The following MAP1A variants were observed in gnomAD, a reference collection of about 807,000 sequenced individuals.
MAP1A encodes microtubule associated protein 1A, also known as microtubule-associated protein 1A.
A neutral mutation model predicts 185.9 loss-of-function variants in MAP1A; 42 were observed. That is an observed-to-expected ratio of 0.23 (90% CI 0.18 to 0.29). The LOEUF (loss-of-function observed/expected upper bound fraction) is 0.29, where lower values mean the gene tolerates loss of function less well. Among genes scored for constraint, MAP1A ranks in the 10% least tolerant of loss-of-function variants. The pLI is 1.00. For synonymous variants in MAP1A, 1,229 were observed against 1,335.9 expected (o/e 0.92, Z 1.74); for missense variants, 2,995 against 3,450.4 (o/e 0.87, Z 3.31).
Position 43,525,833 on chromosome 15 carries a change from G to C in MAP1A, c.4360G>C (p.Asp1454His). 7 of 1,580,356 alleles carry C rather than the reference G, an allele frequency of 4.4e-6. No individual in the cohort carries two copies. The highest frequency in any genetic ancestry group is 6.0e-6 in the Non-Finnish European group (7 of 1,165,572). Reference protein sequence around the residue: ...EQKDKIPEEKDKALEQKDTAL... With the variant: ...EQKDKIPEEKHKALEQKDTAL... ...GAAGGATAAGATTCCAGAAGAGAAA[G>C]ACAAAGCCTTAGAACAAAAGGATAC... Residue 1454 changes from aspartate to histidine, a missense_variant, in exon 4 of 6, where the codon GAC (aspartate) becomes CAC (histidine). By Grantham distance (81) the Asp-to-His change is moderately conservative. Transcript: ENST00000300231.
In MAP1A at chr15:43,521,276, A is replaced by G. The variant is rs1254193178; in HGVS notation, c.-150-48A>G. ...TAGGGTACTGAATCTAAGTCAGACCAAAACAACTCTAGTGACCTGATCAGG... is the reference window on the plus strand; with the variant it reads ...TAGGGTACTGAATCTAAGTCAGACCGAAACAACTCTAGTGACCTGATCAGG... On this transcript the variant is annotated intron_variant, in intron 3 of 5. Transcript: ENST00000300231. The surrounding 1 kb of genome is among the most constrained non-coding windows in gnomAD (Gnocchi z 4.6). 2.0e-6 allele frequency: 3 copies of G among 1,518,400 alleles called. No individual in the cohort carries two copies. The Admixed American group carries it at 6.5e-5, about 33-fold the overall frequency. The allele number at this position is 1,518,400 out of a possible 1,614,324, so 94.1% of individuals were successfully genotyped here. A position where few individuals can be genotyped will look rare whatever the true frequency, so the allele number is the denominator to read the frequency against.
At position 43,528,041 on chromosome 15, in the gene MAP1A, C is replaced by T. The variant is rs2079353558; in HGVS notation, c.6568C>T (p.Pro2190Ser). The change falls in exon 4 of 6, where the codon CCC becomes TCC. Residue 2190 changes from proline to serine, a missense_variant. Transcript: ENST00000300231. ...CTCTCCAGCTGAACCCCGCTCGGCA[C>T]CCTGTGGCTCCCTTGCCTTCTCTGG... Reference protein sequence around the residue: ...LPSPAEPRSAPCGSLAFSGDR... With the variant: ...LPSPAEPRSASCGSLAFSGDR... 2.5e-6 allele frequency: 4 copies of T among 1,613,898 alleles called. No homozygotes were observed. The African/African-American group carries it at 5.3e-5, about 22-fold the overall frequency.
chr15:43,528,274 G>T lies in MAP1A; in HGVS notation c.6801G>T (p.Val2267=). ...CCTCCTCTGAGGCTACCACGCCTGT[G>T]ATTTCAAGTGTGGCGGAGCGCTTCT... The part of the protein sequence containing the change: ...EGSSSEATTP[V]ISSVAERFSP... The change falls in exon 4 of 6, where the codon GTG becomes GTT. Residue 2267 remains valine, a synonymous_variant. Coordinates refer to ENST00000300231, the MANE Select transcript of MAP1A (RefSeq NM_002373.6). 6.2e-7 allele frequency: 1 copy of T among 1,614,080 alleles called. No individual in the cohort carries two copies. The highest frequency in any genetic ancestry group is 8.5e-7 in the Non-Finnish European group (1 of 1,180,040).
chr15:43,523,272 C>T lies in MAP1A; in HGVS notation c.1799C>T (p.Pro600Leu), dbSNP rs753571213. The T allele has an allele frequency of 6.2e-7, 1 of 1,613,490 alleles. No homozygotes were observed. The highest frequency in any genetic ancestry group is 1.7e-5 in the Admixed American group (1 of 59,862). ...GAGAAAGAGCTTGTCCCAGAGGTCC[C>T]TGAGGAACAAGGCAGCAAGGACAGA... ...MKEKELVPEV[P>L]EEQGSKDRGL... The change falls in exon 4 of 6, where the codon CCT becomes CTT. Residue 600 changes from proline (P) to leucine (L), a missense_variant. Transcript: ENST00000300231.
upstream of MAP1A, among the ~76,000 whole-genome samples, chr15:43,513,232 C>T (rs998417001): frequency 2.0e-5 from 3 of 151,820 alleles, no homozygotes; most frequent in Non-Finnish European, 4.4e-5. Flanking sequence ...GAGGCTGAGG[C>T]AGGAGAATCG....
At position 43,525,160 on chromosome 15, in the gene MAP1A, A is replaced by G; in HGVS notation, c.3687A>G (p.Glu1229=). Residue 1229 remains glutamate (E), a synonymous_variant, in exon 4 of 6, where the codon GAA becomes GAG. Transcript: ENST00000300231. ...PESLGTLQFG[E]LNLGKEEMGH... is the part of the protein sequence containing the mutation. Reference sequence around the variant, plus strand: ...GCCTTGGCACCCTCCAGTTTGGGGAACTAAACCTTGGGAAGGAAGAAATGG... The same window carrying G: ...GCCTTGGCACCCTCCAGTTTGGGGAGCTAAACCTTGGGAAGGAAGAAATGG... 1 of 1,614,212 alleles carries G rather than the reference A, an allele frequency of 6.2e-7. No homozygotes were observed. Among genetic ancestry groups the G allele is most frequent in the South Asian group, 1.1e-5 (1 of 91,090 alleles).
chr15:43,526,972 C>T lies in MAP1A; in HGVS notation c.5499C>T (p.Pro1833=), dbSNP rs767670427. The T allele has an allele frequency of 5.0e-6, 8 of 1,613,538 alleles. No individual in the cohort carries two copies. In the South Asian group the frequency reaches 7.7e-5, roughly 16 times the overall value. The change falls in exon 4 of 6, where the codon CCC becomes CCT. Residue 1833 remains proline, a synonymous_variant. Coordinates refer to ENST00000300231, the MANE Select transcript of MAP1A (RefSeq NM_002373.6). This position sits in a 1 kb window ranked among gnomAD's most constrained non-coding sequence, Gnocchi z 4.7. ...PKLMPHMKNE[P]TTPSWLADIP... ...TCATGCCACACATGAAGAATGAACC[C>T]ACTACTCCCTCATGGCTGGCTGACA...
chr15:43,514,384 G>A (rs922696982), upstream of MAP1A, among the ~76,000 whole-genome samples: 2 of 152,186 alleles, frequency 1.3e-5, no homozygotes, highest in Non-Finnish European at 2.9e-5. Context: ...GCCCAGAGCA[G>A]CTGCAGACAC....
rs369443962 is a variant in MAP1A at position 43,523,494 on chromosome 15, C to T, written c.2021C>T (p.Ala674Val). The change falls in exon 4 of 6, where the codon GCG becomes GTG. Residue 674 changes from alanine (A) to valine (V), a missense_variant. By Grantham distance (64) the Ala-to-Val change is moderately conservative. Coordinates refer to ENST00000300231, the MANE Select transcript of MAP1A (RefSeq NM_002373.6). ...VHPSDEEEED[A>V]TKAEGFYQKH... ...CCTTCAGATGAGGAGGAAGAGGACG[C>T]GACAAAAGCTGAGGGTTTTTACCAA... 3.2e-5 allele frequency: 51 copies of T among 1,613,930 alleles called. No homozygotes were observed. The highest frequency in any genetic ancestry group is 1.5e-4 in the South Asian group (14 of 91,052).
chr15:43,510,997 C>T (rs1676512269), exon 1 of MAP1A: 2 of 1,542,580 alleles, frequency 1.3e-6, no homozygotes, highest in East Asian at 2.4e-5. Flanking sequence ...CCATGGAGAC[C>T]GAGGCCGAGC....
At position 43,523,777 on chromosome 15, in the gene MAP1A, T is replaced by TCCACC; in HGVS notation, c.2305_2306insCACCC (p.His769ProfsTer49). The TCCACC allele has an allele frequency of 1.9e-6, 3 of 1,614,010 alleles. No individual in the cohort carries two copies. Among genetic ancestry groups the TCCACC allele is most frequent in the Non-Finnish European group, 2.5e-6 (3 of 1,180,004 alleles). On this transcript the variant is annotated frameshift_variant, in exon 4 of 6. Coordinates refer to ENST00000300231, the MANE Select transcript of MAP1A (RefSeq NM_002373.6). LOFTEE classifies it high-confidence loss of function. ...AGGAGCGCCCAGCTCCACCCAGATT[T>TCCACC]CATACAAGTACATATGACCTGCCCG...
rs1377733436 is a variant in MAP1A, at chr15:43,529,253, A to G, written c.7780A>G (p.Arg2594Gly). ...GLSSESGRVE[R>G]LREKEKVQGR... ...CAGCTCAGAGTCTGGGAGAGTAGAG[A>G]GGCTACGGGAGAAGGAAAAGGTTCA... is the stretch of plus-strand genomic sequence containing the variant. The change falls in exon 4 of 6, where the codon AGG becomes GGG. Residue 2594 changes from arginine (R) to glycine (G), a missense_variant. Coordinates refer to ENST00000300231, the MANE Select transcript of MAP1A (RefSeq NM_002373.6). This position sits in a 1 kb window ranked among gnomAD's most constrained non-coding sequence, Gnocchi z 4.3. 6.2e-7 allele frequency: 1 copy of G among 1,612,272 alleles called. No individual in the cohort carries two copies.
Position 43,524,733 on chromosome 15 carries a change from C to A in MAP1A, c.3260C>A (p.Thr1087Asn). Residue 1087 changes from threonine to asparagine, a missense_variant, in exon 4 of 6, where the codon ACC (threonine) becomes AAC (asparagine). Physicochemically the swap from Thr to Asn is moderately conservative, Grantham distance 65. Around this residue, in one of 3 missense-constraint regions of MAP1A, gnomAD observed 2,728 missense variants for 2,986.0 expected, o/e 0.91. Coordinates refer to ENST00000300231, the MANE Select transcript of MAP1A (RefSeq NM_002373.6). ...ATTGATGAGGGGCTTACAGGCTGTACCATTCAACTGTTGCCAGCACAGGAT... is the reference window on the plus strand; with the variant it reads ...ATTGATGAGGGGCTTACAGGCTGTAACATTCAACTGTTGCCAGCACAGGAT... ...VNIDEGLTGC[T>N]IQLLPAQDKA... The A allele has an allele frequency of 6.2e-7, 1 of 1,614,088 alleles. No individual in the cohort carries two copies. The highest frequency in any genetic ancestry group is 8.5e-7 in the Non-Finnish European group (1 of 1,180,000).
In MAP1A at chr15:43,523,365, CAG is replaced by C; in HGVS notation, c.1897_1898del (p.Arg633AlafsTer12). ...TGGGAGGAAAAGAAGCAGAGGGAAGCAGAGAGGCTCCCAGACAGAACAGAAGC... is the reference window on the plus strand; with the variant it reads ...TGGGAGGAAAAGAAGCAGAGGGAAGCAGAGGCTCCCAGACAGAACAGAAGC... On this transcript the variant is annotated frameshift_variant, in exon 4 of 6. Coordinates refer to ENST00000300231, the MANE Select transcript of MAP1A (RefSeq NM_002373.6). LOFTEE classifies it high-confidence loss of function. The C allele has an allele frequency of 1.2e-6, 2 of 1,610,816 alleles. No homozygotes were observed. Among genetic ancestry groups the C allele is most frequent in the Non-Finnish European group, 1.7e-6 (2 of 1,178,326 alleles).
At position 43,522,856 on chromosome 15, in the gene MAP1A, G is replaced by C. The variant is rs1566977331; in HGVS notation, c.1383G>C (p.Lys461Asn). The C allele has an allele frequency of 1.2e-6, 2 of 1,605,896 alleles. No homozygotes were observed. The highest frequency in any genetic ancestry group is 1.7e-6 in the Non-Finnish European group (2 of 1,175,640). The change falls in exon 4 of 6, where the codon AAG (lysine) becomes AAC (asparagine). Residue 461 changes from lysine (K) to asparagine (N), a missense_variant. Around this residue, in one of 3 missense-constraint regions of MAP1A, gnomAD observed 2,728 missense variants for 2,986.0 expected, o/e 0.91. Transcript: ENST00000300231. The surrounding 1 kb of genome is among the most constrained non-coding windows in gnomAD (Gnocchi z 5.9). ...AACCTGAGCTCAAGAAGATTTCCAA[G>C]CCAGACCTAAAGCCCTTTACTCCTG... ...DTKPELKKISKPDLKPFTPEV... is the reference protein window; with the variant it reads ...DTKPELKKISNPDLKPFTPEV...
Position 43,528,246 on chromosome 15 carries a change from G to T in MAP1A, c.6773G>T (p.Gly2258Val), listed in dbSNP as rs746178952. Reference protein sequence around the residue: ...PRPASPALSEGSSSEATTPVI... With the variant: ...PRPASPALSEVSSSEATTPVI... ...CCTGCCTCACCAGCCCTGTCTGAGGGCTCCTCCTCTGAGGCTACCACGCCT... is the reference window on the plus strand; with the variant it reads ...CCTGCCTCACCAGCCCTGTCTGAGGTCTCCTCCTCTGAGGCTACCACGCCT... The change falls in exon 4 of 6, where the codon GGC becomes GTC. Residue 2258 changes from glycine (G) to valine (V), a missense_variant. Coordinates refer to ENST00000300231, the MANE Select transcript of MAP1A (RefSeq NM_002373.6). The T allele has an allele frequency of 6.2e-7, 1 of 1,614,028 alleles. No homozygotes were observed. The highest frequency in any genetic ancestry group is 1.1e-5 in the South Asian group (1 of 91,084).
chr15:43,520,781 T>A, intron 2 of MAP1A, 58 bp downstream of exon 2: 1 of 1,414,416 alleles, frequency 7.1e-7, no homozygotes, highest in Non-Finnish European at 9.8e-7. Context: ...ATACCCACCC[T>A]TGCCAGTGCT....
intron 2 of MAP1A, chr15:43,512,413 G>A: frequency 4.4e-6 from 3 of 675,202 alleles, no homozygotes; most frequent in Non-Finnish European, 5.3e-6. Flanking sequence ...CTTTATAGAG[G>A]AGGAAAATCA....
intron 1 of MAP1A, among the ~76,000 whole-genome samples, chr15:43,511,556 G>T (rs2079278425): frequency 6.6e-6 from 1 of 152,226 alleles, no homozygotes; most frequent in South Asian, 2.1e-4. Flanking sequence ...CATCCCTGGA[G>T]AATCCACGTC....
Sources: allele counts gnomAD v4.1 joint callset (sites outside exome capture counted in the v4.1 genomes callset), GRCh38; gene constraint gnomAD v4.1.1; regional missense constraint gnomAD v4.1.1; non-coding constraint Gnocchi (gnomAD v3.1); transcripts MANE v1.5; gene names NCBI Gene and HGNC (gene_info 2026-07-23, HGNC 2026-07-21).